The following CMIP variants were observed in gnomAD, a reference collection of about 807,000 sequenced individuals.
CMIP encodes c-Maf inducing protein.
CMIP carries 13 observed loss-of-function variants against 97.3 expected under a neutral mutation model. The ratio of observed to expected loss-of-function variants is 0.13; its 90% confidence interval spans 0.09 to 0.21. The LOEUF is 0.21. Among genes scored for constraint, CMIP ranks in the 10% least tolerant of loss-of-function variants. The pLI, the probability that CMIP is intolerant of heterozygous loss-of-function variation, is 1.00. For synonymous variants in CMIP, 538 were observed against 436.3 expected (o/e 1.23, Z -2.91); for missense variants, 847 against 1,024.9 (o/e 0.83, Z 2.37).
chr16:81,658,115 C>T (rs773500798), intron 5 of CMIP, among the ~76,000 whole-genome samples: 6 of 152,244 alleles, frequency 3.9e-5, no homozygotes, highest in African/African-American at 1.4e-4. Flanking sequence ...TGGCAGAGCC[C>T]GTATAATTTA....
At chr16:81,613,744 T>G (rs552050374) in intron 2 of CMIP, among the ~76,000 whole-genome samples, 1 of 152,300 alleles carries the variant, frequency 6.6e-6, no homozygotes, top group South Asian at 2.1e-4. Context: ...GTGGACTTTC[T>G]TCGCTGAGCA....
intron 1 of CMIP, among the ~76,000 whole-genome samples, chr16:81,575,440 A>G (rs1273323719): frequency 6.6e-6 from 1 of 152,188 alleles, no homozygotes; most frequent in Non-Finnish European, 1.5e-5. Flanking sequence ...ACACATGGCT[A>G]CAGGGAGCAG....
At chr16:81,491,651 A>G (rs1036278914) in intron 1 of CMIP, among the ~76,000 whole-genome samples, 17 of 152,162 alleles carry the variant, frequency 1.1e-4, no homozygotes, top group African/African-American at 4.1e-4. Flanking sequence ...TTTCAGATAA[A>G]TTCCTCACTT....
intron 1 of CMIP, among the ~76,000 whole-genome samples, chr16:81,553,857 C>G (rs1488526946): frequency 1.3e-5 from 2 of 152,254 alleles, no homozygotes; most frequent in African/African-American, 2.4e-5. Flanking sequence ...CCACCTTCAG[C>G]TTTGTGTGCA....
In CMIP at chr16:81,614,665, A is replaced by C. The variant is rs554514500; in HGVS notation, c.427-6211A>C. Among the ~76,000 whole-genome samples, 63 of 150,636 alleles carry C rather than the reference A, an allele frequency of 4.2e-4. No homozygotes were observed. Among genetic ancestry groups the C allele is most frequent in the African/African-American group, 1.4e-3 (58 of 40,882 alleles). ...GTGGGACTGTGGTGTGTGTGTATGT[A>C]TGTCTGTATGGTTTATGTGTGTGTG... is the stretch of plus-strand genomic sequence containing the variant. On this transcript the variant is annotated intron_variant, in intron 2 of 20. Coordinates refer to ENST00000537098, the MANE Select transcript of CMIP (RefSeq NM_198390.3). The surrounding 1 kb of genome is among the most constrained non-coding windows in gnomAD (Gnocchi z 5.3).
intron 1 of CMIP, among the ~76,000 whole-genome samples, chr16:81,454,320 G>T (rs1220262825): frequency 2.0e-5 from 3 of 152,186 alleles, no homozygotes; most frequent in Non-Finnish European, 4.4e-5. Context: ...GATAAAGAGA[G>T]CTGGGAGGAA....
chr16:81,500,442 T>TCC (rs2089586877), intron 1 of CMIP, among the ~76,000 whole-genome samples: 1 of 112,788 alleles, frequency 8.9e-6, no homozygotes, highest in African/African-American at 3.4e-5. Flanking sequence ...TCTCTCTCTC[T>TCC]CCCTTCCTCC....
intron 2 of CMIP, among the ~76,000 whole-genome samples, chr16:81,612,604 T>G (rs2091850151): frequency 6.6e-6 from 1 of 152,216 alleles, no homozygotes; most frequent in South Asian, 2.1e-4. Context: ...CACCCTGGGC[T>G]GTTTTTCTCA....
At chr16:81,460,928 T>C (rs1263637625) in intron 1 of CMIP, among the ~76,000 whole-genome samples, 1 of 152,340 alleles carries the variant, frequency 6.6e-6, no homozygotes, top group East Asian at 1.9e-4. Flanking sequence ...TTGTATGTGA[T>C]CGTTATGACA....
At chr16:81,531,219 A>G (rs2090228633) in intron 1 of CMIP, among the ~76,000 whole-genome samples, 1 of 152,140 alleles carries the variant, frequency 6.6e-6, no homozygotes, top group Non-Finnish European at 1.5e-5. Flanking sequence ...ACACACAGGG[A>G]CGAGCACCGT....
At chr16:81,561,581 G>A (rs2911276) in intron 1 of CMIP, among the ~76,000 whole-genome samples, 45,069 of 151,942 alleles carry the variant, frequency 0.3, 7,160 homozygotes, top group African/African-American at 0.39. Flanking sequence ...TGAAAGGTAG[G>A]ACCAGCAATT....
At chr16:81,693,683 G>A (rs1026363650) in intron 13 of CMIP, among the ~76,000 whole-genome samples, 196 bp downstream of exon 13, 1 of 152,202 alleles carries the variant, frequency 6.6e-6, no homozygotes, top group African/African-American at 2.4e-5. Flanking sequence ...TGTAAACGCC[G>A]GCTCACCGGG....
intron 7 of CMIP, among the ~76,000 whole-genome samples, chr16:81,669,398 CACCTCCTTCCACACCCACTTCAT>C (rs372936083): frequency 2.0e-5 from 2 of 100,972 alleles, no homozygotes; most frequent in East Asian, 2.8e-4. Flanking sequence ...CTCTCACACT[CACCTCCTTCCACACCCACTTCAT>C]ACCTCCTTCC....
intron 1 of CMIP, among the ~76,000 whole-genome samples, chr16:81,559,534 G>C (rs1336908904): frequency 6.6e-6 from 1 of 152,198 alleles, no homozygotes; most frequent in East Asian, 1.9e-4. Context: ...GGTGTGTGAT[G>C]GTGGTCCCAT....
Position 81,652,087 on chromosome 16 carries a change from T to G in CMIP, c.478-116T>G. 1 of 755,708 alleles carries G rather than the reference T, an allele frequency of 1.3e-6. No individual in the cohort carries two copies. Among genetic ancestry groups the G allele is most frequent in the Non-Finnish European group, 2.2e-6 (1 of 464,086 alleles). The allele number at this position is 755,708 out of a possible 1,614,324, so 46.8% of individuals were successfully genotyped here. A position where few individuals can be genotyped will look rare whatever the true frequency, so the allele number is the denominator to read the frequency against. On this transcript the variant is annotated intron_variant, in intron 3 of 20. Transcript: ENST00000537098. This position sits in a 1 kb window ranked among gnomAD's most constrained non-coding sequence, Gnocchi z 5.2. ...CCTTATAAACGGGGACTGGGCCAAG[T>G]TGTCAGTTTCTCAGGGCCCTTTACA...
intron 1 of CMIP, among the ~76,000 whole-genome samples, chr16:81,533,551 T>C (rs1567563978): frequency 6.6e-6 from 1 of 152,240 alleles, no homozygotes; most frequent in East Asian, 1.9e-4. Flanking sequence ...TGATCTTGGC[T>C]CACTGCAGCC....
At chr16:81,586,570 C>T (rs780492057) in intron 1 of CMIP, among the ~76,000 whole-genome samples, 5 of 152,174 alleles carry the variant, frequency 3.3e-5, no homozygotes, top group African/African-American at 4.8e-5. Context: ...TAGCCTGCCA[C>T]GCAAGGCTCT....
rs962793751 is a variant in CMIP at position 81,710,237 on chromosome 16, C to A, written c.*438C>A. 9.5e-6 allele frequency: 2 copies of A among 209,876 alleles called. No homozygotes were observed. Among genetic ancestry groups the A allele is most frequent in the Non-Finnish European group, 2.0e-5 (2 of 101,718 alleles). 13.0% of individuals were successfully genotyped at this position (209,876 alleles called of 1,614,324 possible). A position where few individuals can be genotyped will look rare whatever the true frequency, so the allele number is the denominator to read the frequency against. ...CGAGCTGAGCTGCGAACTCGCCCCC[C>A]GCCCTTGGGACAAGAAGACCCAGTC... is the stretch of plus-strand genomic sequence containing the variant. On this transcript the variant is annotated 3_prime_UTR_variant, in exon 21 of 21. Transcript: ENST00000537098.
At chr16:81,507,188 G>A (rs1365693694) in intron 1 of CMIP, among the ~76,000 whole-genome samples, 2 of 152,068 alleles carry the variant, frequency 1.3e-5, no homozygotes, top group African/African-American at 4.8e-5. Flanking sequence ...CCCAGGAGGC[G>A]GAGCTTGCAG....
Sources: gnomAD v4.1 joint callset for allele counts (sites outside exome capture counted in the v4.1 genomes callset) on GRCh38, gnomAD v4.1.1 for gene constraint, Gnocchi (gnomAD v3.1) non-coding constraint, MANE v1.5 for transcripts, NCBI Gene and HGNC (gene_info 2026-07-23, HGNC 2026-07-21) for gene names.